DENND5B: variants seen among roughly 807,000 people sequenced by gnomAD.
DENND5B encodes DENN domain-containing protein 5B.
Under a neutral mutation model 140.6 loss-of-function variants are expected in DENND5B, and 34 were observed. That is an observed-to-expected ratio of 0.24 (90% CI 0.18 to 0.32). The LOEUF (loss-of-function observed/expected upper bound fraction) is 0.32. Ranked by LOEUF, DENND5B falls within the 10% of genes least tolerant of loss-of-function variation. The pLI is 1.00. For missense variants in DENND5B, 1,142 were observed against 1,560.2 expected (o/e 0.73, Z 4.52); for synonymous variants, 551 against 562.1 (o/e 0.98, Z 0.28).
intron 1 of DENND5B, among the ~76,000 whole-genome samples, chr12:31,543,152 G>T (rs535200729): frequency 5.1e-4 from 77 of 152,284 alleles, no homozygotes; most frequent in Middle Eastern, 3.4e-3. Context: ...AGGCTACAGT[G>T]AGCGTTGACC....
intron 1 of DENND5B, 104 bp downstream of exon 1, chr12:31,590,602 C>T (rs954065179): frequency 1.6e-5 from 20 of 1,278,532 alleles, no homozygotes; most frequent in East Asian, 6.6e-5. Context: ...AGGGCGCCAC[C>T]GGGAGCTGAC....
chr12:31,517,100 G>A (rs1229686476), intron 1 of DENND5B, among the ~76,000 whole-genome samples: 2 of 151,956 alleles, frequency 1.3e-5, no homozygotes, highest in Admixed American at 1.3e-4. Flanking sequence ...AAATTCGGCT[G>A]GGGAAAAAAA....
At chr12:31,392,585 C>T in intron 18 of DENND5B, 29 bp downstream of exon 18, 2 of 1,545,770 alleles carry the variant, frequency 1.3e-6, no homozygotes, top group South Asian at 1.2e-5. Context: ...AAAAGTCCCA[C>T]TATACTAAGT....
intron 11 of DENND5B, among the ~76,000 whole-genome samples, chr12:31,421,958 C>T (rs1195491199): frequency 1.3e-5 from 2 of 152,108 alleles, no homozygotes; most frequent in African/African-American, 4.8e-5. Flanking sequence ...CCAAGGACAA[C>T]AGAACCTTGG....
chr12:31,405,355 C>G (rs532834077), intron 14 of DENND5B, among the ~76,000 whole-genome samples: 185 of 151,860 alleles, frequency 1.2e-3, no homozygotes, highest in African/African-American at 3.9e-3. Context: ...TAGCTGGGAC[C>G]AGAGGTGTGC....
chr12:31,409,474 CTTTTTT>C (rs139434599), intron 13 of DENND5B, 90 bp from the exon 14 acceptor site: 30 of 285,228 alleles, frequency 1.1e-4, no homozygotes, highest in East Asian at 2.3e-4. Flanking sequence ...TTCATTATGT[CTTTTTT>C]TTTTTTTTTT....
At chr12:31,494,899 G>A (rs1465911529) in intron 2 of DENND5B, among the ~76,000 whole-genome samples, 4 of 152,166 alleles carry the variant, frequency 2.6e-5, no homozygotes, top group Non-Finnish European at 5.9e-5. Flanking sequence ...CCACCCTGTG[G>A]ATTGTACCTT....
chr12:31,541,793 A>C (rs1435250061), intron 1 of DENND5B, among the ~76,000 whole-genome samples: 1 of 152,222 alleles, frequency 6.6e-6, no homozygotes, highest in Non-Finnish European at 1.5e-5. Context: ...ATTTGGAAGC[A>C]ACCTAAGTGT....
At chr12:31,472,148 T>C (rs1224089589) in intron 3 of DENND5B, among the ~76,000 whole-genome samples, 3 of 152,204 alleles carry the variant, frequency 2.0e-5, no homozygotes, top group Non-Finnish European at 4.4e-5. Flanking sequence ...AGAAGCCTTA[T>C]TGAATTTGCT....
rs562815856 is a variant in DENND5B, at chr12:31,561,037, T to C, written c.127+29669A>G. 1.5e-3 allele frequency among the ~76,000 whole-genome samples: 234 copies of C among 152,090 alleles called. 1 individual carries two copies. Among genetic ancestry groups the C allele is most frequent in the Non-Finnish European group, 2.7e-3 (184 of 68,016 alleles). ...GGAGTATTCTTACGAGAAAATAGAATAGGAGATTTGCTGGAACCTTTGTCA... is the reference window on the plus strand; with the variant it reads ...GGAGTATTCTTACGAGAAAATAGAACAGGAGATTTGCTGGAACCTTTGTCA... On this transcript the variant is annotated intron_variant, in intron 1 of 20. Transcript: ENST00000389082.
At chr12:31,583,206 C>T (rs572313065) in intron 1 of DENND5B, among the ~76,000 whole-genome samples, 37 of 151,708 alleles carry the variant, frequency 2.4e-4, no homozygotes, top group African/African-American at 8.5e-4. Context: ...GCAGGAGAAT[C>T]ACTTGAACCC....
intron 1 of DENND5B, among the ~76,000 whole-genome samples, chr12:31,563,747 T>G (rs892407359): frequency 3.9e-5 from 6 of 152,334 alleles, no homozygotes; most frequent in African/African-American, 1.4e-4. Context: ...ATAAGAAACA[T>G]GCAAATGCCT....
Position 31,495,905 on chromosome 12 carries a change from G to C in DENND5B, c.142C>G (p.Gln48Glu), listed in dbSNP as rs766280264. 1.2e-6 allele frequency: 2 copies of C among 1,608,316 alleles called. No homozygotes were observed. Among genetic ancestry groups the C allele is most frequent in the Non-Finnish European group, 1.7e-6 (2 of 1,177,616 alleles). The change falls in exon 2 of 21, where the codon CAG becomes GAG. Residue 48 changes from glutamine to glutamate, a missense_variant. By Grantham distance (29) the Gln-to-Glu change is conservative. Transcript: ENST00000389082. ...PDELAGENFD[Q>E]SPLRRTFKSK... The stretch of plus-strand genomic sequence containing the variant: ...TTGAATGTTCTTCTCAAAGGACTCT[G>C]GTCAAAATTTTCGCCTACAACAAAT...
In DENND5B at chr12:31,493,934, ATT is replaced by A. The variant is rs1279626541; in HGVS notation, c.237+1874_237+1875del. Among the ~76,000 whole-genome samples the A allele has an allele frequency of 2.0e-5, 3 of 152,018 alleles. No homozygotes were observed. The East Asian group carries it at 5.8e-4, about 29-fold the overall frequency. On this transcript the variant is annotated intron_variant, in intron 2 of 20. Transcript: ENST00000389082. ...TCTGTATCTTTTTTATTTTTTTCCC[ATT>A]CTTACGTATATACCCAATTCATTTC... is the stretch of plus-strand genomic sequence containing the variant.
chr12:31,482,779 A>T (rs1157326547), intron 2 of DENND5B, among the ~76,000 whole-genome samples: 6 of 152,130 alleles, frequency 3.9e-5, no homozygotes, highest in Admixed American at 6.6e-5. Flanking sequence ...GTCTGGATGT[A>T]ACAGCCTGTT....
chr12:31,547,601 T>C (rs1948905722), intron 1 of DENND5B, among the ~76,000 whole-genome samples: 1 of 152,130 alleles, frequency 6.6e-6, no homozygotes, highest in African/African-American at 2.4e-5. Flanking sequence ...TTTCATCATA[T>C]TGGTCAGGCT....
intron 14 of DENND5B, among the ~76,000 whole-genome samples, chr12:31,405,179 A>T (rs1016102672): frequency 4.0e-5 from 6 of 151,594 alleles, no homozygotes; most frequent in Non-Finnish European, 8.8e-5. Flanking sequence ...CTGGAACTCC[A>T]GGCATGAGCC....
rs114690515 is a variant in DENND5B at position 31,534,624 on chromosome 12, G to A, written c.128-38705C>T. ...TACCACTGAATTTTTGTAGTAAGAC[G>A]TTTTAAATCAACTTTGTCTTATGGG... is the stretch of plus-strand genomic sequence containing the variant. On this transcript the variant is annotated intron_variant, in intron 1 of 20. Transcript: ENST00000389082. The A allele has an allele frequency of 8.8e-3, 1,542 of 174,754 alleles. 26 individuals are homozygous for A. Among genetic ancestry groups the A allele is most frequent in the African/African-American group, 0.035 (1,455 of 41,776 alleles). The allele number at this position is 174,754 out of a possible 1,614,324, so 10.8% of individuals were successfully genotyped here.
intron 1 of DENND5B, among the ~76,000 whole-genome samples, chr12:31,543,826 A>G (rs1486072029): frequency 6.6e-6 from 1 of 152,200 alleles, no homozygotes; most frequent in Non-Finnish European, 1.5e-5. Flanking sequence ...TCACATCTCT[A>G]TCTACTCTCT....
Sources: allele counts gnomAD v4.1 joint callset (sites outside exome capture counted in the v4.1 genomes callset), GRCh38; gene constraint gnomAD v4.1.1; transcripts MANE v1.5; gene names NCBI Gene and HGNC (gene_info 2026-07-23, HGNC 2026-07-21).